RIMS2: variants seen among roughly 807,000 people sequenced by gnomAD.
RIMS2 encodes the protein regulating synaptic membrane exocytosis protein 2.
In RIMS2, 59 loss-of-function variants were observed where a neutral mutation model predicts 174.4. That is an observed-to-expected ratio of 0.34 (90% CI 0.27 to 0.42). RIMS2 has a LOEUF of 0.42. RIMS2 is among the 10% of genes least tolerant of loss of function. The pLI is 1.00. For missense variants in RIMS2, 1,620 were observed against 1,666.3 expected, an observed-to-expected ratio of 0.97 and a Z score of 0.48; for synonymous variants, 606 against 572.5, an observed-to-expected ratio of 1.06 and a Z score of -0.84.
intron 11 of RIMS2, among the ~76,000 whole-genome samples, chr8:103,928,124 A>C (rs1011797805): frequency 2.6e-5 from 4 of 151,566 alleles, no homozygotes; most frequent in African/African-American, 9.7e-5. Flanking sequence ...CTAAATATTA[A>C]ACCTTATAGA....
intron 1 of RIMS2, among the ~76,000 whole-genome samples, chr8:103,557,637 A>G (rs2090736527): frequency 2.0e-5 from 3 of 152,208 alleles, no homozygotes; most frequent in Non-Finnish European, 2.9e-5. Flanking sequence ...AGGAGTTTAC[A>G]TTCTCTATCA....
intron 3 of RIMS2, among the ~76,000 whole-genome samples, chr8:103,851,662 C>T (rs2098998895): frequency 6.7e-6 from 1 of 150,262 alleles, no homozygotes; most frequent in Non-Finnish European, 1.5e-5. Context: ...CACACACACA[C>T]ACACACACAC....
chr8:104,043,092 C>A (rs529430017), intron 19 of RIMS2, among the ~76,000 whole-genome samples: 1 of 151,450 alleles, frequency 6.6e-6, no homozygotes, highest in African/African-American at 2.4e-5. Context: ...CCAGAGAAGA[C>A]AAATATGTTG....
chr8:103,806,518 C>A (rs180938400), intron 3 of RIMS2, among the ~76,000 whole-genome samples: 1 of 152,102 alleles, frequency 6.6e-6, no homozygotes, highest in South Asian at 2.1e-4. Flanking sequence ...AACAGTGCAT[C>A]ACATCTCTTT....
intron 1 of RIMS2, among the ~76,000 whole-genome samples, chr8:103,628,467 G>T (rs1370233580): frequency 6.6e-6 from 1 of 151,198 alleles, no homozygotes; most frequent in East Asian, 2.0e-4. Flanking sequence ...CAATTTTCCT[G>T]CCTTAGCCTC....
intron 1 of RIMS2, among the ~76,000 whole-genome samples, chr8:103,502,942 ATGT>A (rs915467649): frequency 3.6e-4 from 54 of 151,972 alleles, no homozygotes; most frequent in Non-Finnish European, 1.2e-4. Flanking sequence ...TGTTAGGAAG[ATGT>A]TGTAAAAGGG....
chr8:103,536,171 T>C (rs1839671986), intron 1 of RIMS2, among the ~76,000 whole-genome samples: 1 of 152,230 alleles, frequency 6.6e-6, no homozygotes, highest in African/African-American at 2.4e-5. Flanking sequence ...AGAGATATTC[T>C]GATAACCTAC....
chr8:103,588,439 C>T (rs1406612911), intron 1 of RIMS2, among the ~76,000 whole-genome samples: 13 of 151,852 alleles, frequency 8.6e-5, no homozygotes, highest in Non-Finnish European at 1.6e-4. Context: ...ATAAAAGACC[C>T]AGAGTAGCCA....
chr8:103,607,566 A>T (rs1002119946), intron 1 of RIMS2, among the ~76,000 whole-genome samples: 2 of 147,256 alleles, frequency 1.4e-5, no homozygotes, highest in African/African-American at 5.2e-5. Flanking sequence ...AGATCGGGGA[A>T]ATTCTCCTGG....
At chr8:103,588,342 A>G (rs2094077941) in intron 1 of RIMS2, among the ~76,000 whole-genome samples, 1 of 151,984 alleles carries the variant, frequency 6.6e-6, no homozygotes, top group Non-Finnish European at 1.5e-5. Flanking sequence ...AACCCAAAGC[A>G]GTCTACAGAT....
rs150470482 is a variant in RIMS2 at position 103,650,387 on chromosome 8, C to A, written c.177-46699C>A. Among the ~76,000 whole-genome samples the A allele has an allele frequency of 2.9e-3, 438 of 152,260 alleles. 2 individuals are homozygous for A. Among genetic ancestry groups the A allele is most frequent in the Non-Finnish European group, 4.3e-3 (291 of 68,014 alleles). ...TGGAGACTCCTGCTGGGAGGTCTCACCCAGTCAGGAGGAACAGGATCAGGG... is the reference window on the plus strand; with the variant it reads ...TGGAGACTCCTGCTGGGAGGTCTCAACCAGTCAGGAGGAACAGGATCAGGG... On this transcript the variant is annotated intron_variant, in intron 1 of 23. Coordinates refer to ENST00000504942, the Ensembl canonical transcript of RIMS2.
intron 3 of RIMS2, among the ~76,000 whole-genome samples, chr8:103,834,571 T>C (rs533941468): frequency 2.0e-5 from 3 of 151,844 alleles, no homozygotes; most frequent in East Asian, 3.9e-4. Flanking sequence ...TAATTTTATT[T>C]TTCCTTTCTT....
intron 1 of RIMS2, among the ~76,000 whole-genome samples, chr8:103,548,768 C>T (rs946911646): frequency 1.3e-5 from 2 of 152,128 alleles, no homozygotes; most frequent in African/African-American, 2.4e-5. Context: ...ACCTAGAAAA[C>T]ACCATAATCT....
intron 3 of RIMS2, among the ~76,000 whole-genome samples, chr8:103,799,868 T>G (rs1592699289): frequency 6.6e-6 from 1 of 152,318 alleles, no homozygotes; most frequent in East Asian, 1.9e-4. Context: ...CTTTTTAAAA[T>G]TTATAGTTTG....
intron 1 of RIMS2, among the ~76,000 whole-genome samples, chr8:103,590,584 C>A (rs534814192): frequency 7.5e-6 from 1 of 134,172 alleles, no homozygotes; most frequent in Admixed American, 7.3e-5. Flanking sequence ...CATATACCCA[C>A]CATCTAGATG....
intron 15 of RIMS2, among the ~76,000 whole-genome samples, chr8:103,970,598 T>C (rs895923309): frequency 1.3e-5 from 2 of 152,182 alleles, no homozygotes; most frequent in African/African-American, 4.8e-5. Flanking sequence ...TCTTAACTGA[T>C]CCTCTAGCAA....
chr8:103,626,296 C>T (rs997321422), intron 1 of RIMS2, among the ~76,000 whole-genome samples: 1 of 152,188 alleles, frequency 6.6e-6, no homozygotes, highest in Non-Finnish European at 1.5e-5. Flanking sequence ...TCAACCTCTT[C>T]TGTTACCAAC....
chr8:103,547,299 A>T (rs1251155663), intron 1 of RIMS2, among the ~76,000 whole-genome samples: 1 of 152,148 alleles, frequency 6.6e-6, no homozygotes, highest in African/African-American at 2.4e-5. Context: ...CTTGTCACGC[A>T]TTGCTGGCTT....
chr8:103,908,638 CTT>C (rs2154526601), intron 4 of RIMS2, among the ~76,000 whole-genome samples: 1 of 152,170 alleles, frequency 6.6e-6, no homozygotes, highest in African/African-American at 2.4e-5. Flanking sequence ...AACCTTGACT[CTT>C]TAGTCTTTCT....
Sources: allele counts gnomAD v4.1 joint callset (sites outside exome capture counted in the v4.1 genomes callset), GRCh38; gene constraint gnomAD v4.1.1; transcripts MANE v1.5; gene names NCBI Gene and HGNC (gene_info 2026-07-23, HGNC 2026-07-21).